The following THSD7A variants were observed in gnomAD, a reference collection of about 807,000 sequenced individuals.
THSD7A encodes thrombospondin type-1 domain-containing protein 7A.
THSD7A carries 96 observed loss-of-function variants against 231.3 expected under a neutral mutation model. That is an observed-to-expected ratio of 0.41 (90% CI 0.35 to 0.49). The LOEUF (loss-of-function observed/expected upper bound fraction) is 0.49. THSD7A is among the 20% of genes least tolerant of loss of function. The probability of loss-of-function intolerance (pLI) is 0.05; values close to 1 mark genes in which losing one functional copy is unlikely to be tolerated. For missense variants in THSD7A, 2,290 were observed against 2,070.2 expected (o/e 1.11, Z -2.06); for synonymous variants, 940 against 743.3 (o/e 1.26, Z -4.30).
intron 5 of THSD7A, among the ~76,000 whole-genome samples, chr7:11,542,101 T>C (rs569328880): frequency 6.6e-6 from 1 of 152,214 alleles, no homozygotes; most frequent in Non-Finnish European, 1.5e-5. Context: ...ATTTGGAAAA[T>C]GAACCTCTAA....
In THSD7A at chr7:11,460,674, G is replaced by T; in HGVS notation, c.2593C>A (p.Arg865=). 6.2e-7 allele frequency: 1 copy of T among 1,609,422 alleles called. No homozygotes were observed. The highest frequency in any genetic ancestry group is 2.2e-5 in the East Asian group (1 of 44,552). Residue 865 remains arginine (R), a synonymous_variant, in exon 11 of 28, where the codon CGA becomes AGA. Transcript: ENST00000423059. ...TGGGGCCTCCCACCTCTTGCCTGTC[G>T]CCCAGGCCCACAGCCTTCCTGTGCT... ...PGAQEGCGPG[R]QARAITCRKQ...
At chr7:11,693,848 A>G (rs1235505610) in intron 1 of THSD7A, among the ~76,000 whole-genome samples, 1 of 151,516 alleles carries the variant, frequency 6.6e-6, no homozygotes, top group Non-Finnish European at 1.5e-5. Context: ...ATATTTTAAT[A>G]AGGTTTTATA....
intron 1 of THSD7A, among the ~76,000 whole-genome samples, chr7:11,681,126 TCA>T (rs1368115623): frequency 2.6e-5 from 4 of 152,062 alleles, no homozygotes; most frequent in Non-Finnish European, 5.9e-5. Context: ...CTGCATCTTC[TCA>T]CTTATAAGTG....
chr7:11,746,086 G>A (rs1221221208), intron 1 of THSD7A, among the ~76,000 whole-genome samples: 1 of 151,948 alleles, frequency 6.6e-6, no homozygotes, highest in Admixed American at 6.6e-5. Context: ...AGCATGGAAT[G>A]TTCTTCCATT....
intron 6 of THSD7A, among the ~76,000 whole-genome samples, chr7:11,507,647 T>C (rs574862756): frequency 8.6e-5 from 13 of 151,774 alleles, no homozygotes; most frequent in African/African-American, 2.7e-4. Flanking sequence ...TACATACAAA[T>C]AGATAATACT....
At chr7:11,454,504 C>T (rs1342511969) in intron 11 of THSD7A, among the ~76,000 whole-genome samples, 1 of 151,540 alleles carries the variant, frequency 6.6e-6, no homozygotes, top group Non-Finnish European at 1.5e-5. Flanking sequence ...TGCCTTTTTG[C>T]TTGAGTCATC....
At chr7:11,777,824 GGAGGCA>G (rs1321760694) in intron 1 of THSD7A, among the ~76,000 whole-genome samples, 1 of 152,072 alleles carries the variant, frequency 6.6e-6, no homozygotes, top group Non-Finnish European at 1.5e-5. Context: ...ATCACACCAT[GGAGGCA>G]GGCAAAACTG....
chr7:11,754,855 G>C (rs759063930), intron 1 of THSD7A, among the ~76,000 whole-genome samples: 6 of 151,818 alleles, frequency 4.0e-5, no homozygotes, highest in Non-Finnish European at 7.4e-5. Context: ...TATAATAATA[G>C]AACTATATAT....
intron 24 of THSD7A, among the ~76,000 whole-genome samples, chr7:11,380,990 A>T (rs1306929991): frequency 6.6e-6 from 1 of 152,210 alleles, no homozygotes; most frequent in Non-Finnish European, 1.5e-5. Flanking sequence ...AAGAAAAGTC[A>T]GGTAAATATT....
intron 1 of THSD7A, among the ~76,000 whole-genome samples, chr7:11,799,879 CT>C (rs1416307125): frequency 6.6e-6 from 1 of 152,200 alleles, no homozygotes; most frequent in Non-Finnish European, 1.5e-5. Context: ...ATCCAGTTCA[CT>C]TGTTTTGATT....
chr7:11,439,131 C>G (rs780862762), intron 13 of THSD7A, among the ~76,000 whole-genome samples: 1 of 151,860 alleles, frequency 6.6e-6, no homozygotes, highest in Non-Finnish European at 1.5e-5. Context: ...AAGGACAAAT[C>G]TGAATTGGGC....
At chr7:11,782,818 A>G (rs549626796) in intron 1 of THSD7A, among the ~76,000 whole-genome samples, 60 of 152,224 alleles carry the variant, frequency 3.9e-4, no homozygotes, top group African/African-American at 1.4e-3. Flanking sequence ...CAATTTTTCA[A>G]ATTATTTTGG....
chr7:11,510,878 C>G (rs1333670541), intron 6 of THSD7A, among the ~76,000 whole-genome samples: 1 of 152,054 alleles, frequency 6.6e-6, no homozygotes, highest in African/African-American at 2.4e-5. Context: ...TGGCACAAGA[C>G]AGGGATGCCC....
intron 1 of THSD7A, among the ~76,000 whole-genome samples, chr7:11,682,176 T>A (rs896339572): frequency 2.2e-4 from 33 of 151,958 alleles, no homozygotes; most frequent in African/African-American, 8.0e-4. Context: ...ATCCCACAGA[T>A]CCTATAAAGA....
chr7:11,452,702 A>G (rs1785184292), intron 11 of THSD7A, among the ~76,000 whole-genome samples: 1 of 152,004 alleles, frequency 6.6e-6, no homozygotes, highest in Non-Finnish European at 1.5e-5. Context: ...CACGGTGCCA[A>G]GCTTATTTTA....
intron 4 of THSD7A, among the ~76,000 whole-genome samples, chr7:11,571,256 A>T (rs1197457054): frequency 6.6e-6 from 1 of 152,196 alleles, no homozygotes; most frequent in Admixed American, 6.5e-5. Flanking sequence ...TGGAGGTTCC[A>T]CAGATCCTTG....
chr7:11,422,685 G>A (rs914071863), intron 16 of THSD7A, among the ~76,000 whole-genome samples: 3 of 151,436 alleles, frequency 2.0e-5, no homozygotes, highest in Non-Finnish European at 2.9e-5. Context: ...ATGGAGTCTC[G>A]CTATGTGGCC....
At chr7:11,462,489 C>A in intron 9 of THSD7A, among the ~76,000 whole-genome samples, 1 of 152,268 alleles carries the variant, frequency 6.6e-6, no homozygotes, top group East Asian at 1.9e-4. Flanking sequence ...ACCTTAAATT[C>A]ATTGTCATGC....
rs374488770 is a variant in THSD7A at position 11,462,191 on chromosome 7, A to C, written c.2369-48T>G. On this transcript the variant is annotated intron_variant, in intron 9 of 27. Coordinates refer to ENST00000423059, the MANE Select transcript of THSD7A (RefSeq NM_015204.3). The stretch of plus-strand genomic sequence containing the variant: ...CCTCTGTACTTTACACTGATGAGAT[A>C]ATCTCTAAATACCAGTCTGTGTGAA... 1.6e-5 allele frequency: 26 copies of C among 1,599,624 alleles called. 1 individual carries two copies. In the South Asian group the frequency reaches 2.9e-4, roughly 18 times the overall value.
Sources: gnomAD v4.1 joint callset for allele counts (sites outside exome capture counted in the v4.1 genomes callset) on GRCh38, gnomAD v4.1.1 for gene constraint, MANE v1.5 for transcripts, NCBI Gene and HGNC (gene_info 2026-07-23, HGNC 2026-07-21) for gene names.